The following TSGA10 variants were observed in gnomAD, a reference collection of about 807,000 sequenced individuals.
TSGA10 encodes the protein testis specific 10, also known as testis-specific gene 10 protein.
A neutral mutation model predicts 96.6 loss-of-function variants in TSGA10; 43 were observed. The observed-to-expected ratio is 0.44, with a 90% confidence interval of 0.35 to 0.57. TSGA10 has a LOEUF of 0.57. Among genes scored for constraint, TSGA10 ranks in the 20% least tolerant of loss-of-function variants. The pLI, the probability that TSGA10 is intolerant of heterozygous loss-of-function variation, is 0.01. For missense variants in TSGA10, 703 were observed against 834.4 expected, an observed-to-expected ratio of 0.84 and a Z score of 1.94; for synonymous variants, 229 against 269.9, an observed-to-expected ratio of 0.85 and a Z score of 1.48.
chr2:99,043,625 GC>G (rs1253360092), intron 16 of TSGA10, among the ~76,000 whole-genome samples: 2 of 152,142 alleles, frequency 1.3e-5, no homozygotes, highest in Non-Finnish European at 2.9e-5. Flanking sequence ...TATCTTGAAA[GC>G]AGCAAGGGAA....
intron 2 of TSGA10, among the ~76,000 whole-genome samples, chr2:99,123,773 G>A (rs538219434): frequency 1.3e-5 from 2 of 152,260 alleles, no homozygotes; most frequent in East Asian, 1.9e-4. Flanking sequence ...TACTTAGTAT[G>A]TTTTTGAGGT....
chr2:99,035,815 T>TA (rs371573918), intron 16 of TSGA10, among the ~76,000 whole-genome samples: 258 of 152,240 alleles, frequency 1.7e-3, no homozygotes, highest in Middle Eastern at 6.8e-3. Context: ...TTGTTGTTGT[T>TA]AAAAACAAAA....
chr2:99,028,498 C>T (rs2080846374), intron 17 of TSGA10, among the ~76,000 whole-genome samples: 1 of 152,156 alleles, frequency 6.6e-6, no homozygotes. Context: ...CTATTCACAG[C>T]AAGTTTCAAG....
chr2:99,066,905 A>C (rs918375896), intron 15 of TSGA10, among the ~76,000 whole-genome samples: 1 of 152,142 alleles, frequency 6.6e-6, no homozygotes, highest in Non-Finnish European at 1.5e-5. Context: ...TCTTGCCTAA[A>C]TTATGGTTAC....
intron 20 of TSGA10, among the ~76,000 whole-genome samples, chr2:99,001,097 G>A (rs1290604391): frequency 6.6e-6 from 1 of 152,224 alleles, no homozygotes; most frequent in Non-Finnish European, 1.5e-5. Context: ...AAACGTCCCT[G>A]TCTGACAGCT....
intron 4 of TSGA10, among the ~76,000 whole-genome samples, chr2:99,115,508 G>A (rs181684723): frequency 6.6e-6 from 1 of 151,990 alleles, no homozygotes; most frequent in African/African-American, 2.4e-5. Context: ...AGTATTTCAA[G>A]CAGTTCTAAG....
chr2:99,068,804 C>A, intron 15 of TSGA10, 84 bp downstream of exon 15: 1 of 567,292 alleles, frequency 1.8e-6, no homozygotes, highest in Non-Finnish European at 2.9e-6. Flanking sequence ...CTTTGATTCA[C>A]CTGTCGTTCT....
At chr2:99,020,069 T>C (rs2079872005) in intron 18 of TSGA10, among the ~76,000 whole-genome samples, 1 of 152,132 alleles carries the variant, frequency 6.6e-6, no homozygotes, top group Non-Finnish European at 1.5e-5. Flanking sequence ...TACTCAAAAC[T>C]CTGTTGGAAA....
rs1574435665 is a variant in TSGA10 at position 99,109,518 on chromosome 2, A to C, written c.-73-6T>G. 2 of 1,558,324 alleles carry C rather than the reference A, an allele frequency of 1.3e-6. No homozygotes were observed. The highest frequency in any genetic ancestry group is 2.7e-5 in the African/African-American group (2 of 73,598). ...TCTTGACAAAGGAATCAAGTCTAGA[A>C]GGAGATTTATTTTGTGCTTTTTCAG... On this transcript the variant is annotated splice_region_variant and splice_polypyrimidine_tract_variant and intron_variant, in intron 5 of 20. Coordinates refer to ENST00000393483, the MANE Select transcript of TSGA10 (RefSeq NM_025244.4).
At chr2:99,115,571 T>A (rs2092189671) in intron 4 of TSGA10, among the ~76,000 whole-genome samples, 1 of 152,078 alleles carries the variant, frequency 6.6e-6, no homozygotes, top group African/African-American at 2.4e-5. Context: ...AAGTAATAAC[T>A]CGTGTATTTA....
chr2:99,007,060 C>T (rs2078553320), intron 20 of TSGA10, among the ~76,000 whole-genome samples: 1 of 151,466 alleles, frequency 6.6e-6, no homozygotes. Flanking sequence ...CCAAACACCG[C>T]ATGTTCTCAC....
rs770174214 is a variant in TSGA10, at chr2:99,065,023, G to A, written c.1320C>T (p.Thr440=). 4.3e-6 allele frequency: 7 copies of A among 1,613,610 alleles called. No homozygotes were observed. The South Asian group carries it at 6.6e-5, about 15-fold the overall frequency. ...CAGCAGTGATAAGTTCCAGTTTGAG[G>A]GTATTGTTATCTGCCTCTGATTGAC... ...KARQSEADNN[T]LKLELITAEA... Residue 440 remains threonine, a synonymous_variant, in exon 16 of 21, where the codon ACC becomes ACT. Transcript: ENST00000393483.
At position 99,026,379 on chromosome 2, in the gene TSGA10, A is replaced by G. The variant is rs1428928333; in HGVS notation, c.1615-5897T>C. Among the ~76,000 whole-genome samples, 2 of 152,180 alleles carry G rather than the reference A, an allele frequency of 1.3e-5. 1 individual carries two copies. On this transcript the variant is annotated intron_variant, in intron 17 of 20. Transcript: ENST00000393483. ...TTATAGCTTTTAAAGAAGTTGATAG[A>G]AGAAAGGACAACAAAAATATACAGT...
At chr2:99,081,188 C>T in intron 11 of TSGA10, 94 bp downstream of exon 11, 3 of 592,512 alleles carry the variant, frequency 5.1e-6, no homozygotes, top group Admixed American at 3.3e-5. Context: ...GGCTTGTTTC[C>T]AAGTTTTTCT....
rs566291282 is a variant in TSGA10 at position 99,005,162 on chromosome 2, T to C, written c.2073-6941A>G. On this transcript the variant is annotated intron_variant, in intron 20 of 20. Transcript: ENST00000393483. ...GTATCTCAAAATAATAAGAGCTACT[T>C]ATGACAAACCCACAGCCAGTATCAT... Among the ~76,000 whole-genome samples the C allele has an allele frequency of 1.6e-4, 24 of 152,290 alleles. No homozygotes were observed. The South Asian group carries it at 5.0e-3, about 32-fold the overall frequency.
intron 16 of TSGA10, among the ~76,000 whole-genome samples, chr2:99,050,968 T>C (rs995850786): frequency 2.6e-5 from 4 of 152,154 alleles, no homozygotes; most frequent in African/African-American, 9.7e-5. Context: ...ATGTATTCAG[T>C]ACAGTAACAT....
At chr2:99,110,771 G>T in intron 5 of TSGA10, 79 bp downstream of exon 5, 1 of 305,228 alleles carries the variant, frequency 3.3e-6, no homozygotes, top group Non-Finnish European at 4.8e-6. Context: ...ACGTGTGAGA[G>T]CCAAAGATAT....
rs2092405102 is a variant in TSGA10 at position 99,118,544 on chromosome 2, A to G, written c.-356+7T>C. The G allele has an allele frequency of 1.0e-6, 1 of 979,726 alleles. No homozygotes were observed. Among genetic ancestry groups the G allele is most frequent in the Non-Finnish European group, 1.2e-6 (1 of 825,034 alleles). 60.7% of individuals were successfully genotyped at this position (979,726 alleles called of 1,614,324 possible). A position where few individuals can be genotyped will look rare whatever the true frequency, so the allele number is the denominator to read the frequency against. ...AAAAAGTCCTTTTGAAAGTATCAGTAACTTACTTGACTAAGCTAAATATCA... is the reference window on the plus strand; with the variant it reads ...AAAAAGTCCTTTTGAAAGTATCAGTGACTTACTTGACTAAGCTAAATATCA... On this transcript the variant is annotated splice_region_variant and intron_variant, in intron 3 of 20. Coordinates refer to ENST00000393483, the MANE Select transcript of TSGA10 (RefSeq NM_025244.4).
intron 2 of TSGA10, among the ~76,000 whole-genome samples, chr2:99,121,396 CCT>C (rs1031513368): frequency 1.5e-3 from 2 of 1,350 alleles, no homozygotes; most frequent in African/African-American, 5.6e-3. Context: ...TTTGCATTCC[CCT>C]GATGTTTACA....
Sources: gnomAD v4.1 joint callset for allele counts (sites outside exome capture counted in the v4.1 genomes callset) on GRCh38, gnomAD v4.1.1 for gene constraint, MANE v1.5 for transcripts, NCBI Gene and HGNC (gene_info 2026-07-23, HGNC 2026-07-21) for gene names.